SLC39A12: variants seen among roughly 807,000 people sequenced by gnomAD.
SLC39A12 encodes the protein zinc transporter ZIP12.
Under a neutral mutation model 71.1 loss-of-function variants are expected in SLC39A12, and 63 were observed. The ratio of observed to expected loss-of-function variants is 0.89; its 90% CI spans 0.72 to 1.09. The LOEUF (loss-of-function observed/expected upper bound fraction) is 1.09, where lower values mean the gene tolerates loss of function less well. SLC39A12 is among the 50% of genes least tolerant of loss of function. The probability of loss-of-function intolerance (pLI) is 0.00; values close to 1 mark genes in which losing one functional copy is unlikely to be tolerated. For synonymous variants in SLC39A12, 351 were observed against 301.3 expected (o/e 1.16, Z -1.71); for missense variants, 892 against 812.6 (o/e 1.10, Z -1.19).
Position 18,034,030 on chromosome 10 carries a change from T to G in SLC39A12, c.1948-8675T>G, listed in dbSNP as rs1276143529. 3.4e-5 allele frequency among the ~76,000 whole-genome samples: 5 copies of G among 148,258 alleles called. No homozygotes were observed. The East Asian group carries it at 6.0e-4, about 18-fold the overall frequency. Reference sequence around the variant, plus strand: ...GGTCTGAGAGATAGTTTGTTATAATTTCTGTTCTTTTACATTTGCTGAGGA... The same window carrying G: ...GGTCTGAGAGATAGTTTGTTATAATGTCTGTTCTTTTACATTTGCTGAGGA... On this transcript the variant is annotated intron_variant, in intron 12 of 12. Coordinates refer to ENST00000377369, the MANE Select transcript of SLC39A12 (RefSeq NM_001145195.2).
intron 2 of SLC39A12, among the ~76,000 whole-genome samples, chr10:17,958,160 A>C (rs1338819753): frequency 6.6e-6 from 1 of 152,170 alleles, no homozygotes; most frequent in African/African-American, 2.4e-5. Flanking sequence ...CAACCCTGGA[A>C]AGATACATGG....
chr10:18,035,279 G>A (rs1364648666), intron 12 of SLC39A12, among the ~76,000 whole-genome samples: 2 of 141,868 alleles, frequency 1.4e-5, no homozygotes, highest in Non-Finnish European at 3.0e-5. Flanking sequence ...TCACTTTCAG[G>A]TACACCAATC....
intron 12 of SLC39A12, among the ~76,000 whole-genome samples, chr10:18,012,001 C>T (rs1319415710): frequency 6.6e-6 from 1 of 152,122 alleles, no homozygotes; most frequent in Non-Finnish European, 1.5e-5. Flanking sequence ...TCTTTGCTTT[C>T]TTGAATAACA....
chr10:18,024,698 C>T (rs79501677), intron 12 of SLC39A12, among the ~76,000 whole-genome samples: 3,087 of 152,218 alleles, frequency 0.02, 44 homozygotes, highest in South Asian at 0.042. Flanking sequence ...TTCTGATGGA[C>T]GAATGTTAAA....
intron 4 of SLC39A12, among the ~76,000 whole-genome samples, chr10:17,973,765 T>C (rs1159061225): frequency 2.6e-5 from 4 of 152,180 alleles, no homozygotes; most frequent in South Asian, 4.1e-4. Flanking sequence ...TACTTGGATA[T>C]TGATGGCTTT....
intron 12 of SLC39A12, among the ~76,000 whole-genome samples, chr10:18,039,934 A>G (rs1425872982): frequency 6.6e-6 from 1 of 152,214 alleles, no homozygotes; most frequent in Non-Finnish European, 1.5e-5. Context: ...TGTTGAACTA[A>G]TATCAAGGCA....
intron 12 of SLC39A12, among the ~76,000 whole-genome samples, chr10:18,036,794 A>ATATATTTTTTTTTTTT (rs1554855475): frequency 2.2e-5 from 2 of 92,862 alleles, no homozygotes; most frequent in African/African-American, 9.0e-5. Flanking sequence ...ATATATATAT[A>ATATATTTTTTTTTTTT]TTTTTTTTTT....
At chr10:17,994,827 C>T (rs1035392051) in intron 9 of SLC39A12, among the ~76,000 whole-genome samples, 5 of 152,146 alleles carry the variant, frequency 3.3e-5, no homozygotes, top group African/African-American at 7.2e-5. Flanking sequence ...ACACAAAATG[C>T]ATTTATCTCA....
chr10:18,036,538 G>A (rs1480620083), intron 12 of SLC39A12, among the ~76,000 whole-genome samples: 2 of 151,552 alleles, frequency 1.3e-5, no homozygotes, highest in Non-Finnish European at 2.9e-5. Context: ...ACTGGCCTGC[G>A]CCCACTGTCC....
chr10:18,013,346 T>TTTATTATTA (rs35228459), intron 12 of SLC39A12, among the ~76,000 whole-genome samples: 3,974 of 139,772 alleles, frequency 0.028, 70 homozygotes, highest in Middle Eastern at 0.076. Context: ...TCCAACTTTA[T>TTTATTATTA]TTATTATTAT....
intron 12 of SLC39A12, among the ~76,000 whole-genome samples, chr10:18,016,279 T>C (rs145823119): frequency 8.9e-4 from 136 of 152,354 alleles, no homozygotes; most frequent in African/African-American, 3.2e-3. Flanking sequence ...TGTCATATAG[T>C]TGCAATTAAT....
chr10:17,964,065 C>A (rs1177367735), intron 3 of SLC39A12, among the ~76,000 whole-genome samples: 2 of 152,180 alleles, frequency 1.3e-5, no homozygotes, highest in Non-Finnish European at 1.5e-5. Context: ...TCCCGTAGCC[C>A]TGCCTACTGC....
rs145461773 is a variant in SLC39A12 at position 17,988,594 on chromosome 10, C to T, written c.1269+943C>T. On this transcript the variant is annotated intron_variant, in intron 7 of 12. Transcript: ENST00000377369. The stretch of plus-strand genomic sequence containing the variant: ...AGCAACACAAAAATGGCCTAATTCA[C>T]TTGTCCTTCTTTCTGTTCTGCCCAG... Among the ~76,000 whole-genome samples the T allele has an allele frequency of 6.6e-5, 10 of 152,306 alleles. No homozygotes were observed. The East Asian group carries it at 1.9e-3, about 29-fold the overall frequency.
At chr10:18,027,381 T>A (rs560135905) in intron 12 of SLC39A12, among the ~76,000 whole-genome samples, 3 of 152,364 alleles carry the variant, frequency 2.0e-5, no homozygotes, top group East Asian at 3.9e-4. Flanking sequence ...TGAGGGAAGA[T>A]CTTGTTAAGA....
chr10:18,033,148 A>G (rs376721573), intron 12 of SLC39A12, among the ~76,000 whole-genome samples: 1 of 138,122 alleles, frequency 7.2e-6, no homozygotes, highest in African/African-American at 2.7e-5. Flanking sequence ...TTGGTATCAG[A>G]ATGATGCTGG....
chr10:18,041,528 A>C, intron 12 of SLC39A12, among the ~76,000 whole-genome samples: 1 of 66,252 alleles, frequency 1.5e-5, no homozygotes, highest in Admixed American at 1.3e-4. Context: ...ATATATATGT[A>C]TATATATACA....
chr10:18,030,622 GTATTTATTTATT>G lies in SLC39A12; in HGVS notation c.1948-12065_1948-12054del, dbSNP rs200462935. On this transcript the variant is annotated intron_variant, in intron 12 of 12. Transcript: ENST00000377369. Reference sequence around the variant, plus strand: ...TTTTTATTTTATTTTATTTATTTATGTATTTATTTATTTATTTATTTATTTATTTTTATTATA... The same window carrying G: ...TTTTTATTTTATTTTATTTATTTATGTATTTATTTATTTATTTTTATTATA... Among the ~76,000 whole-genome samples the G allele has an allele frequency of 4.0e-3, 597 of 148,056 alleles. 3 individuals are homozygous for G. The highest frequency in any genetic ancestry group is 0.014 in the African/African-American group (553 of 40,436).
At chr10:18,041,694 T>C (rs542086917) in intron 12 of SLC39A12, among the ~76,000 whole-genome samples, 3 of 109,844 alleles carry the variant, frequency 2.7e-5, no homozygotes, top group African/African-American at 9.8e-5. Context: ...TATGTATATA[T>C]GTGTATATAT....
At chr10:18,020,448 T>C (rs1836503894) in intron 12 of SLC39A12, among the ~76,000 whole-genome samples, 3 of 152,160 alleles carry the variant, frequency 2.0e-5, no homozygotes, top group Admixed American at 2.0e-4. Context: ...TGTGTCTTTA[T>C]GGTAGAATGA....
Sources: allele counts gnomAD v4.1 joint callset (sites outside exome capture counted in the v4.1 genomes callset), GRCh38; gene constraint gnomAD v4.1.1; transcripts MANE v1.5; gene names NCBI Gene and HGNC (gene_info 2026-07-23, HGNC 2026-07-21).